SLC4A10: variants seen among roughly 807,000 people sequenced by gnomAD.
The protein encoded by SLC4A10 is sodium-driven chloride bicarbonate exchanger.
In SLC4A10, 42 loss-of-function variants were observed where a neutral mutation model predicts 137.7. The observed-to-expected ratio is 0.30, with a 90% CI of 0.24 to 0.39. The LOEUF (loss-of-function observed/expected upper bound fraction) is 0.39. Among genes scored for constraint, SLC4A10 ranks in the 10% least tolerant of loss-of-function variants. The pLI, the probability that SLC4A10 is intolerant of heterozygous loss-of-function variation, is 1.00. For synonymous variants in SLC4A10, 474 were observed against 464.1 expected (o/e 1.02, Z -0.27); for missense variants, 925 against 1,355.0 (o/e 0.68, Z 4.98).
intron 2 of SLC4A10, among the ~76,000 whole-genome samples, chr2:161,773,092 A>G (rs1288407440): frequency 6.6e-6 from 1 of 151,892 alleles, no homozygotes; most frequent in African/African-American, 2.4e-5. Flanking sequence ...GATAATTTAT[A>G]AAGAAAAGAA....
chr2:161,821,080 T>C (rs756755119), intron 3 of SLC4A10, among the ~76,000 whole-genome samples: 13 of 152,226 alleles, frequency 8.5e-5, no homozygotes, highest in Non-Finnish European at 1.5e-4. Context: ...TTGGATATTC[T>C]CTTCTAGGAA....
At chr2:161,900,627 A>G (rs1682876281) in intron 11 of SLC4A10, among the ~76,000 whole-genome samples, 1 of 152,054 alleles carries the variant, frequency 6.6e-6, no homozygotes, top group East Asian at 1.9e-4. Flanking sequence ...TACACTAGGC[A>G]CTCAGTTTTA....
chr2:161,764,498 A>C (rs1353711890), intron 1 of SLC4A10, among the ~76,000 whole-genome samples: 1 of 152,156 alleles, frequency 6.6e-6, no homozygotes, highest in Admixed American at 6.6e-5. Flanking sequence ...AAAAAGAATT[A>C]CTAAAAGGCT....
intron 4 of SLC4A10, among the ~76,000 whole-genome samples, chr2:161,843,570 G>A (rs2059318652): frequency 6.6e-6 from 1 of 152,010 alleles, no homozygotes; most frequent in Non-Finnish European, 1.5e-5. Flanking sequence ...ATTCAGGGAA[G>A]GGCAGAACAT....
intron 1 of SLC4A10, among the ~76,000 whole-genome samples, chr2:161,659,372 C>T (rs2037988769): frequency 6.6e-6 from 1 of 152,092 alleles, no homozygotes; most frequent in African/African-American, 2.4e-5. Flanking sequence ...ATGACAGACA[C>T]TGGAGACTTG....
intron 1 of SLC4A10, among the ~76,000 whole-genome samples, chr2:161,706,448 A>G (rs1360084442): frequency 4.6e-5 from 7 of 151,518 alleles, no homozygotes; most frequent in African/African-American, 1.7e-4. Flanking sequence ...TCTTTTTTCA[A>G]TAAGATGTGT....
At chr2:161,841,386 G>T (rs182546823) in intron 4 of SLC4A10, among the ~76,000 whole-genome samples, 5 of 152,114 alleles carry the variant, frequency 3.3e-5, no homozygotes, top group Admixed American at 3.3e-4. Flanking sequence ...GCTGACACAG[G>T]TTTTATTGTT....
intron 3 of SLC4A10, among the ~76,000 whole-genome samples, chr2:161,820,046 A>G (rs993793282): frequency 1.6e-4 from 25 of 152,186 alleles, no homozygotes; most frequent in African/African-American, 5.8e-4. Flanking sequence ...ATGTATAAGA[A>G]GTAGAAATAA....
At chr2:161,688,156 T>G (rs902234393) in intron 1 of SLC4A10, among the ~76,000 whole-genome samples, 1 of 152,200 alleles carries the variant, frequency 6.6e-6, no homozygotes, top group South Asian at 2.1e-4. Context: ...TACTTAGACT[T>G]TTTTAAATTT....
chr2:161,632,077 C>T (rs750664128), intron 1 of SLC4A10, among the ~76,000 whole-genome samples: 42 of 151,700 alleles, frequency 2.8e-4, no homozygotes, highest in Non-Finnish European at 5.2e-4. Context: ...TGTAACTCCA[C>T]TTGTTCTTGC....
intron 1 of SLC4A10, among the ~76,000 whole-genome samples, chr2:161,715,472 G>A (rs533051282): frequency 4.6e-5 from 7 of 152,006 alleles, no homozygotes; most frequent in Non-Finnish European, 1.0e-4. Flanking sequence ...GCATGCATTA[G>A]CTATTTTTCC....
intron 10 of SLC4A10, among the ~76,000 whole-genome samples, chr2:161,887,136 G>A (rs1222084736): frequency 2.6e-5 from 4 of 152,040 alleles, no homozygotes; most frequent in Non-Finnish European, 5.9e-5. Flanking sequence ...CTCTTTTATG[G>A]CTGCATACTA....
Position 161,964,326 on chromosome 2 carries a change from A to C in SLC4A10, c.3036+18A>C. On this transcript the variant is annotated intron_variant, in intron 22 of 26. Transcript: ENST00000446997. Reference sequence around the variant, plus strand: ...CCATGATGGTATGAAACTTCTGTCAACTATTTTTCTCTTTCTCTGATTTGC... The same window carrying C: ...CCATGATGGTATGAAACTTCTGTCACCTATTTTTCTCTTTCTCTGATTTGC... 7 of 1,612,038 alleles carry C rather than the reference A, an allele frequency of 4.3e-6. No homozygotes were observed. Among genetic ancestry groups the C allele is most frequent in the Non-Finnish European group, 5.9e-6 (7 of 1,178,870 alleles).
chr2:161,692,751 T>C (rs1480882210), intron 1 of SLC4A10, among the ~76,000 whole-genome samples: 2 of 152,062 alleles, frequency 1.3e-5, no homozygotes, highest in Non-Finnish European at 2.9e-5. Context: ...TATCTAGATA[T>C]AGATGGTAGA....
At chr2:161,796,191 A>G (rs568758307) in intron 2 of SLC4A10, among the ~76,000 whole-genome samples, 1 of 152,318 alleles carries the variant, frequency 6.6e-6, no homozygotes, top group South Asian at 2.1e-4. Flanking sequence ...AATAAATTTT[A>G]GCATTCAGCT....
rs1003039515 is a variant in SLC4A10 at position 161,844,668 on chromosome 2, TA to T, written c.416+4743del. Reference sequence around the variant, plus strand: ...TGAGAATAGAACACCCAGAAAGAGTTAAGTTCTCTAGAAAAAACCTTCTCTA... The same window carrying T: ...TGAGAATAGAACACCCAGAAAGAGTTAGTTCTCTAGAAAAAACCTTCTCTA... On this transcript the variant is annotated intron_variant, in intron 4 of 26. Coordinates refer to ENST00000446997, the MANE Select transcript of SLC4A10 (RefSeq NM_001178015.2). Among the ~76,000 whole-genome samples the T allele has an allele frequency of 2.0e-4, 30 of 152,210 alleles. 1 individual carries two copies. The highest frequency in any genetic ancestry group is 7.2e-4 in the African/African-American group (30 of 41,552).
intron 15 of SLC4A10, among the ~76,000 whole-genome samples, chr2:161,939,418 A>G (rs1234095404): frequency 6.6e-6 from 1 of 151,578 alleles, no homozygotes; most frequent in Non-Finnish European, 1.5e-5. Flanking sequence ...CTTCCTCTTC[A>G]CTCTACCTCC....
intron 4 of SLC4A10, among the ~76,000 whole-genome samples, chr2:161,845,471 A>G (rs531936402): frequency 6.6e-6 from 1 of 152,174 alleles, no homozygotes; most frequent in Admixed American, 6.5e-5. Context: ...CATATAACTT[A>G]TATTTGGTCA....
At chr2:161,709,231 G>A (rs1417220241) in intron 1 of SLC4A10, among the ~76,000 whole-genome samples, 1 of 151,508 alleles carries the variant, frequency 6.6e-6, no homozygotes, top group Non-Finnish European at 1.5e-5. Flanking sequence ...ATCGTAGCTA[G>A]CTGCTTACAG....
Sources: allele counts gnomAD v4.1 joint callset (sites outside exome capture counted in the v4.1 genomes callset), GRCh38; gene constraint gnomAD v4.1.1; transcripts MANE v1.5; gene names NCBI Gene and HGNC (gene_info 2026-07-23, HGNC 2026-07-21).